The following PIGU variants were observed in gnomAD, a reference collection of about 807,000 sequenced individuals.
PIGU encodes phosphatidylinositol glycan anchor biosynthesis class U, also known as GPI-anchor transamidase component PIGU.
PIGU carries 24 observed loss-of-function variants against 49.9 expected under a neutral mutation model. The observed-to-expected ratio is 0.48, with a 90% confidence interval of 0.35 to 0.68. PIGU has a LOEUF of 0.68. Among genes scored for constraint, PIGU ranks in the 30% least tolerant of loss-of-function variants. The pLI is 0.01. For missense variants in PIGU, 490 were observed against 532.6 expected (o/e 0.92, Z 0.79); for synonymous variants, 220 against 205.7 (o/e 1.07, Z -0.59).
chr20:34,607,062 A>G lies in PIGU; in HGVS notation c.627+8980T>C, dbSNP rs561327678. 1.7e-3 allele frequency among the ~76,000 whole-genome samples: 263 copies of G among 152,330 alleles called. 2 individuals are homozygous for G. The highest frequency in any genetic ancestry group is 2.9e-3 in the Non-Finnish European group (196 of 68,030). On this transcript the variant is annotated intron_variant, in intron 7 of 11. Transcript: ENST00000217446. ...GCGTGAGCCACCATGCCCGGCCATA[A>G]ATATGTATTTTTCCCTTTGCTATTA... is the stretch of plus-strand genomic sequence containing the variant.
At chr20:34,657,458 G>A (rs1986739244) in intron 1 of PIGU, among the ~76,000 whole-genome samples, 1 of 152,180 alleles carries the variant, frequency 6.6e-6, no homozygotes, top group South Asian at 2.1e-4. Context: ...CTCATTATAA[G>A]ACAGTTTTAT....
intron 1 of PIGU, among the ~76,000 whole-genome samples, chr20:34,665,405 T>G (rs1010169622): frequency 1.3e-5 from 2 of 150,810 alleles, no homozygotes; most frequent in Non-Finnish European, 1.5e-5. Context: ...GGGTTTCACC[T>G]TGTTAGCCAG....
rs552033375 is a variant in PIGU, at chr20:34,627,337, A to G, written c.529+7278T>C. ...TAAAGGAAATGACAAATATGTGACC[A>G]ATGTCAGACATGATTCATATGAAAT... On this transcript the variant is annotated intron_variant, in intron 6 of 11. Transcript: ENST00000217446. 1.3e-4 allele frequency among the ~76,000 whole-genome samples: 20 copies of G among 152,326 alleles called. No homozygotes were observed. In the East Asian group the frequency reaches 3.7e-3, roughly 28 times the overall value.
intron 11 of PIGU, among the ~76,000 whole-genome samples, chr20:34,574,204 G>A (rs929132790): frequency 4.6e-5 from 7 of 152,220 alleles, no homozygotes; most frequent in Non-Finnish European, 1.0e-4. Context: ...TCCAAGAAGC[G>A]TGGGTGAGTC....
chr20:34,597,915 T>C (rs1298462554), intron 7 of PIGU, among the ~76,000 whole-genome samples: 1 of 152,118 alleles, frequency 6.6e-6, no homozygotes, highest in Non-Finnish European at 1.5e-5. Context: ...TAACAAAAAA[T>C]TCACGGTAGG....
At chr20:34,652,679 A>G (rs1287668587) in intron 2 of PIGU, among the ~76,000 whole-genome samples, 2 of 152,186 alleles carry the variant, frequency 1.3e-5, no homozygotes, top group Non-Finnish European at 2.9e-5. Flanking sequence ...ATTTCAAAAT[A>G]CTTTCTAATT....
chr20:34,561,565 C>G (rs1982514059), intron 11 of PIGU, among the ~76,000 whole-genome samples: 1 of 152,188 alleles, frequency 6.6e-6, no homozygotes, highest in Non-Finnish European at 1.5e-5. Flanking sequence ...GGGCTCCCTG[C>G]TCTCAAACCC....
At chr20:34,670,147 T>C (rs1307781516) in intron 1 of PIGU, among the ~76,000 whole-genome samples, 2 of 151,932 alleles carry the variant, frequency 1.3e-5, no homozygotes, top group Non-Finnish European at 2.9e-5. Context: ...ATAGAATACA[T>C]TGTTATGTGT....
intron 7 of PIGU, 135 bp from the exon 8 acceptor site, chr20:34,588,742 A>T: frequency 2.5e-6 from 2 of 793,962 alleles, no homozygotes; most frequent in Non-Finnish European, 3.8e-6. Flanking sequence ...GTCTTTAATT[A>T]ACTAAGAAGG....
At chr20:34,608,065 A>T (rs1259648578) in intron 7 of PIGU, among the ~76,000 whole-genome samples, 4 of 145,196 alleles carry the variant, frequency 2.8e-5, no homozygotes, top group Admixed American at 1.5e-4. Context: ...CACTATGGAG[A>T]CATGACTTTT....
In PIGU at chr20:34,613,302, T is replaced by C. The variant is rs543536439; in HGVS notation, c.627+2740A>G. 2.1e-3 allele frequency among the ~76,000 whole-genome samples: 322 copies of C among 152,338 alleles called. 3 individuals carry two copies. Among genetic ancestry groups the C allele is most frequent in the Middle Eastern group, 3.4e-3 (1 of 294 alleles). ...TCCTGGAGCACTCACCTGCTCAGCA[T>C]CCTTCAATTGCTTTATGTCTGCAGT... is the stretch of plus-strand genomic sequence containing the variant. On this transcript the variant is annotated intron_variant, in intron 7 of 11. Transcript: ENST00000217446.
intron 6 of PIGU, among the ~76,000 whole-genome samples, chr20:34,616,466 T>C (rs545278948): frequency 1.3e-5 from 2 of 152,354 alleles, no homozygotes; most frequent in South Asian, 2.1e-4. Flanking sequence ...TTAACATCCA[T>C]GTCCTATCTA....
chr20:34,634,247 T>C (rs931373670), intron 6 of PIGU, among the ~76,000 whole-genome samples: 5 of 152,020 alleles, frequency 3.3e-5, no homozygotes, highest in Admixed American at 6.6e-5. Flanking sequence ...AATTTTTTTA[T>C]GTTTTGCAGA....
intron 7 of PIGU, among the ~76,000 whole-genome samples, chr20:34,608,141 C>A (rs2146733543): frequency 6.9e-6 from 1 of 145,864 alleles, no homozygotes; most frequent in South Asian, 2.2e-4. Flanking sequence ...GTGGTGCGAT[C>A]TCGGCTCACT....
chr20:34,644,959 C>T (rs192244202), intron 3 of PIGU, among the ~76,000 whole-genome samples: 6 of 152,260 alleles, frequency 3.9e-5, no homozygotes, highest in Admixed American at 3.9e-4. Flanking sequence ...CATAATACTG[C>T]CACAGTTCCA....
chr20:34,643,146 T>C (rs1986222864), intron 4 of PIGU, among the ~76,000 whole-genome samples: 1 of 152,128 alleles, frequency 6.6e-6, no homozygotes, highest in African/African-American at 2.4e-5. Flanking sequence ...GTCTTGGTGA[T>C]ACTAAGTCCC....
At chr20:34,611,273 C>T (rs1984802026) in intron 7 of PIGU, among the ~76,000 whole-genome samples, 1 of 152,236 alleles carries the variant, frequency 6.6e-6, no homozygotes, top group African/African-American at 2.4e-5. Context: ...AGGCAACCTA[C>T]AGAATGGGAG....
intron 1 of PIGU, among the ~76,000 whole-genome samples, chr20:34,673,253 C>CAAA (rs71282179): frequency 1.7e-4 from 15 of 88,778 alleles, no homozygotes; most frequent in African/African-American, 4.0e-4. Flanking sequence ...GACTCCGTCT[C>CAAA]AAAAAAAAAA....
At chr20:34,649,147 G>A (rs1219754108) in intron 2 of PIGU, among the ~76,000 whole-genome samples, 2 of 152,012 alleles carry the variant, frequency 1.3e-5, no homozygotes, top group Non-Finnish European at 2.9e-5. Flanking sequence ...GATTACAGGT[G>A]TGAGCCACCA....
Sources: gnomAD v4.1 joint callset for allele counts (sites outside exome capture counted in the v4.1 genomes callset) on GRCh38, gnomAD v4.1.1 for gene constraint, MANE v1.5 for transcripts, NCBI Gene and HGNC (gene_info 2026-07-23, HGNC 2026-07-21) for gene names.